The following THSD7A variants were observed in gnomAD, a reference collection of about 807,000 sequenced individuals.
The protein encoded by THSD7A is thrombospondin type 1 domain containing 7A, also known as thrombospondin type-1 domain-containing protein 7A.
Under a neutral mutation model 231.3 loss-of-function variants are expected in THSD7A, and 96 were observed. The ratio of observed to expected loss-of-function variants is 0.41; its 90% CI spans 0.35 to 0.49. The LOEUF (loss-of-function observed/expected upper bound fraction) is 0.49. Ranked by LOEUF, THSD7A falls within the 20% of genes least tolerant of loss-of-function variation. The pLI, the probability that THSD7A is intolerant of heterozygous loss-of-function variation, is 0.05. For synonymous variants in THSD7A, 940 were observed against 743.3 expected, an observed-to-expected ratio of 1.26 and a Z score of -4.30; for missense variants, 2,290 against 2,070.2, an observed-to-expected ratio of 1.11 and a Z score of -2.06.
intron 1 of THSD7A, among the ~76,000 whole-genome samples, chr7:11,776,634 C>A (rs994897844): frequency 6.6e-6 from 1 of 152,046 alleles, no homozygotes; most frequent in African/African-American, 2.4e-5. Context: ...TGAATTTTGT[C>A]ATTAATTCTT....
At position 11,637,756 on chromosome 7, in the gene THSD7A, A is replaced by T. The variant is rs546588455; in HGVS notation, c.191-795T>A. Among the ~76,000 whole-genome samples, 2 of 152,174 alleles carry T rather than the reference A, an allele frequency of 1.3e-5. No homozygotes were observed. Among genetic ancestry groups the T allele is most frequent in the African/African-American group, 4.8e-5 (2 of 41,438 alleles). On this transcript the variant is annotated intron_variant, in intron 1 of 27. Coordinates refer to ENST00000423059, the MANE Select transcript of THSD7A (RefSeq NM_015204.3). This position sits in a 1 kb window ranked among gnomAD's most constrained non-coding sequence, Gnocchi z 4.2. ...ACAGAGCTGTTTGATGTGATACTTA[A>T]ATCAGTGGCTTTAATATGAAATATG...
At chr7:11,375,968 G>C (rs1251369186) in intron 27 of THSD7A, 90 bp from the exon 28 acceptor site, 4 of 1,245,460 alleles carry the variant, frequency 3.2e-6, no homozygotes, top group Non-Finnish European at 4.7e-6. Context: ...AAAGCAAATT[G>C]ATAAACTGAA....
At chr7:11,631,885 G>A (rs1227554268) in intron 2 of THSD7A, among the ~76,000 whole-genome samples, 1 of 152,136 alleles carries the variant, frequency 6.6e-6, no homozygotes, top group African/African-American at 2.4e-5. Flanking sequence ...ATGGCCTCCT[G>A]TAAATTTTAT....
chr7:11,552,823 G>A (rs1214233290), intron 4 of THSD7A, among the ~76,000 whole-genome samples: 1 of 152,078 alleles, frequency 6.6e-6, no homozygotes, highest in Non-Finnish European at 1.5e-5. Flanking sequence ...GGGCTGAGCA[G>A]CCAGCCTTCC....
chr7:11,645,838 C>T (rs906925735), intron 1 of THSD7A, among the ~76,000 whole-genome samples: 1 of 151,826 alleles, frequency 6.6e-6, no homozygotes, highest in Non-Finnish European at 1.5e-5. Context: ...GTAGTTCAAT[C>T]TCTGTAAATC....
intron 17 of THSD7A, among the ~76,000 whole-genome samples, chr7:11,417,066 T>G (rs1459951022): frequency 6.6e-6 from 1 of 152,224 alleles, no homozygotes; most frequent in Non-Finnish European, 1.5e-5. Context: ...CAAAAAGCAA[T>G]GGATGAGAAT....
At chr7:11,829,147 T>C (rs1785114844) in intron 1 of THSD7A, among the ~76,000 whole-genome samples, 1 of 152,138 alleles carries the variant, frequency 6.6e-6, no homozygotes, top group Non-Finnish European at 1.5e-5. Context: ...TTCTGATCAA[T>C]AGTTGGCTAT....
In THSD7A at chr7:11,772,213, A is replaced by AAAAAC. The variant is rs1554276162; in HGVS notation, c.190+59539_190+59543dup. ...TTATTATTAAAAAGTTAAAACAAAAAAAAACAAAACAAAACAGATGCTGGC... is the reference window on the plus strand; with the variant it reads ...TTATTATTAAAAAGTTAAAACAAAAAAAAACAAAACAAAACAAAACAGATGCTGGC... On this transcript the variant is annotated intron_variant, in intron 1 of 27. Coordinates refer to ENST00000423059, the MANE Select transcript of THSD7A (RefSeq NM_015204.3). Among the ~76,000 whole-genome samples the AAAAAC allele has an allele frequency of 8.6e-4, 131 of 151,958 alleles. 1 individual carries two copies. Among genetic ancestry groups the AAAAAC allele is most frequent in the African/African-American group, 3.1e-3 (128 of 41,430 alleles).
chr7:11,376,744 A>G (rs1261561925), intron 26 of THSD7A, 87 bp from the exon 27 acceptor site: 2 of 938,860 alleles, frequency 2.1e-6, no homozygotes, highest in Non-Finnish European at 3.2e-6. Flanking sequence ...TCAGTCATAT[A>G]TGACCAATTT....
intron 1 of THSD7A, among the ~76,000 whole-genome samples, chr7:11,828,106 T>C (rs570813615): frequency 2.0e-5 from 3 of 152,346 alleles, no homozygotes; most frequent in African/African-American, 7.2e-5. Context: ...CTCATCTCTC[T>C]TCATTCTAGA....
intron 2 of THSD7A, among the ~76,000 whole-genome samples, chr7:11,597,802 T>C (rs916265039): frequency 6.6e-6 from 1 of 152,128 alleles, no homozygotes; most frequent in Non-Finnish European, 1.5e-5. Context: ...ATGGACGTGG[T>C]ATAAATGTGA....
rs117433416 is a variant in THSD7A at position 11,628,591 on chromosome 7, A to G, written c.1022+7539T>C. On this transcript the variant is annotated intron_variant, in intron 2 of 27. Transcript: ENST00000423059. ...CTGTAGACAAAACATAGCACCTCTA[A>G]TATTTTATTGTTTCTTTTGTGACAT... Among the ~76,000 whole-genome samples the G allele has an allele frequency of 9.9e-3, 1,500 of 152,214 alleles. 14 individuals are homozygous for G. Among genetic ancestry groups the G allele is most frequent in the Middle Eastern group, 0.017 (5 of 294 alleles).
At chr7:11,484,394 A>G (rs892427697) in intron 6 of THSD7A, among the ~76,000 whole-genome samples, 1 of 152,066 alleles carries the variant, frequency 6.6e-6, no homozygotes, top group African/African-American at 2.4e-5. Flanking sequence ...CAGGTCTTAC[A>G]CAGAATCCTG....
chr7:11,433,438 A>G (rs1784539384), intron 13 of THSD7A, among the ~76,000 whole-genome samples: 1 of 152,070 alleles, frequency 6.6e-6, no homozygotes, highest in Admixed American at 6.6e-5. Context: ...AAAAGTATCT[A>G]AAGTCATTTC....
chr7:11,739,818 A>G (rs1782045322), intron 1 of THSD7A, among the ~76,000 whole-genome samples: 1 of 151,912 alleles, frequency 6.6e-6, no homozygotes, highest in African/African-American at 2.4e-5. Flanking sequence ...CAGAGGTAGG[A>G]CCAAAGCTTA....
intron 1 of THSD7A, among the ~76,000 whole-genome samples, chr7:11,752,114 T>C (rs1000950980): frequency 2.0e-5 from 3 of 152,086 alleles, no homozygotes; most frequent in Admixed American, 6.6e-5. Flanking sequence ...ATCCACCAGC[T>C]GGCGATTTCT....
intron 9 of THSD7A, among the ~76,000 whole-genome samples, 192 bp from the exon 10 acceptor site, chr7:11,462,335 T>G (rs1284890475): frequency 6.6e-6 from 1 of 152,142 alleles, no homozygotes; most frequent in Non-Finnish European, 1.5e-5. Context: ...CAATTCATAT[T>G]TAAAAATAGA....
intron 20 of THSD7A, 24 bp from the exon 21 acceptor site, chr7:11,407,079 A>G: frequency 6.2e-7 from 1 of 1,612,516 alleles, no homozygotes; most frequent in Non-Finnish European, 8.5e-7. Context: ...AAAGTGATGC[A>G]CCTTTAATAT....
At chr7:11,830,330 C>T (rs977313187) in intron 1 of THSD7A, among the ~76,000 whole-genome samples, 1 of 152,170 alleles carries the variant, frequency 6.6e-6, no homozygotes, top group Non-Finnish European at 1.5e-5. Context: ...CACTGACTTA[C>T]CTAAGAAGCT....
Sources: gnomAD v4.1 joint callset for allele counts (sites outside exome capture counted in the v4.1 genomes callset) on GRCh38, gnomAD v4.1.1 for gene constraint, Gnocchi (gnomAD v3.1) non-coding constraint, MANE v1.5 for transcripts, NCBI Gene and HGNC (gene_info 2026-07-23, HGNC 2026-07-21) for gene names.